The following USH2A variants were observed in gnomAD, a reference collection of about 807,000 sequenced individuals.
USH2A encodes Usher syndrome 2A (autosomal recessive, mild).
A neutral mutation model predicts 538.9 loss-of-function variants in USH2A; 443 were observed. The ratio of observed to expected loss-of-function variants is 0.82; its 90% CI spans 0.76 to 0.89. The LOEUF is 0.89. Ranked by LOEUF, USH2A falls within the 40% of genes least tolerant of loss-of-function variation. The pLI, the probability that USH2A is intolerant of heterozygous loss-of-function variation, is 0.00. For synonymous variants in USH2A, 2,413 were observed against 2,273.5 expected, an observed-to-expected ratio of 1.06 and a Z score of -1.75; for missense variants, 6,633 against 6,324.8, an observed-to-expected ratio of 1.05 and a Z score of -1.65.
chr1:216,323,350 T>A, intron 8 of USH2A, 124 bp downstream of exon 8: 1 of 831,866 alleles, frequency 1.2e-6, no homozygotes, highest in Non-Finnish European at 1.9e-6. Context: ...TCCCCTAAAA[T>A]CTTAGAGTAT....
At chr1:215,831,155 C>G (rs1663303620) in intron 47 of USH2A, among the ~76,000 whole-genome samples, 1 of 152,018 alleles carries the variant, frequency 6.6e-6, no homozygotes, top group South Asian at 2.1e-4. Flanking sequence ...GCCAGTTTAT[C>G]AAGACATTAA....
At chr1:216,333,311 C>T (rs1423864336) in intron 4 of USH2A, among the ~76,000 whole-genome samples, 2 of 151,752 alleles carry the variant, frequency 1.3e-5, no homozygotes, top group African/African-American at 2.4e-5. Context: ...AAATAGAAAA[C>T]TTTCAAATGA....
intron 20 of USH2A, among the ~76,000 whole-genome samples, chr1:216,177,281 T>C (rs1297024800): frequency 1.3e-5 from 2 of 152,214 alleles, no homozygotes; most frequent in Non-Finnish European, 2.9e-5. Context: ...TGGTATCTTA[T>C]TTTAATTTGC....
intron 21 of USH2A, among the ~76,000 whole-genome samples, chr1:216,117,310 T>C (rs2033032331): frequency 2.6e-5 from 4 of 152,166 alleles, no homozygotes; most frequent in South Asian, 4.1e-4. Context: ...AAGATTCCAA[T>C]AATGCATGTC....
chr1:216,406,237 G>A (rs531909491), intron 3 of USH2A, among the ~76,000 whole-genome samples: 4 of 152,230 alleles, frequency 2.6e-5, no homozygotes, highest in Middle Eastern at 3.4e-3. Context: ...TATCCTGGTC[G>A]TAATATTGTA....
chr1:215,864,508 G>T (rs1180473760), intron 44 of USH2A, among the ~76,000 whole-genome samples: 1 of 152,022 alleles, frequency 6.6e-6, no homozygotes, highest in Non-Finnish European at 1.5e-5. Flanking sequence ...AGATTTTTAG[G>T]GCATGATCTG....
At position 215,708,618 on chromosome 1, in the gene USH2A, A is replaced by T. The variant is rs12562236; in HGVS notation, c.12066+19412T>A. Reference sequence around the variant, plus strand: ...TATTAGTTAGATTCTCATAAGGAGCACACAACTTAGATCCCTTGCGTGCGC... The same window carrying T: ...TATTAGTTAGATTCTCATAAGGAGCTCACAACTTAGATCCCTTGCGTGCGC... On this transcript the variant is annotated intron_variant, in intron 61 of 71. Coordinates refer to ENST00000307340, the MANE Select transcript of USH2A (RefSeq NM_206933.4). Among the ~76,000 whole-genome samples the T allele has an allele frequency of 1.3e-3, 196 of 152,300 alleles. 2 individuals are homozygous for T. In the East Asian group the frequency reaches 0.031, roughly 24 times the overall value.
chr1:216,009,332 A>C (rs1668487251), intron 32 of USH2A, among the ~76,000 whole-genome samples: 1 of 151,906 alleles, frequency 6.6e-6, no homozygotes, highest in Non-Finnish European at 1.5e-5. Flanking sequence ...TTCAACTCTC[A>C]CTTGACCTAA....
Position 215,987,545 on chromosome 1 carries a change from A to T in USH2A, c.6805+5475T>A, listed in dbSNP as rs115037710. Among the ~76,000 whole-genome samples the T allele has an allele frequency of 3.2e-3, 487 of 152,274 alleles. 2 individuals are homozygous for T. The highest frequency in any genetic ancestry group is 0.011 in the African/African-American group (473 of 41,544). On this transcript the variant is annotated intron_variant, in intron 35 of 71. Transcript: ENST00000307340. The stretch of plus-strand genomic sequence containing the variant: ...TGGAGTGTCACACCATCATTTTTGC[A>T]GGTATGTGAAGCAAGGGACTAGAAT...
In USH2A at chr1:215,629,174, A is replaced by ATT. The variant is rs1360627401; in HGVS notation, c.15298-140_15298-139insAA. 2.1e-5 allele frequency: 19 copies of ATT among 913,454 alleles called. No individual in the cohort carries two copies. In the Admixed American group the frequency reaches 3.9e-4, roughly 19 times the overall value. The allele number at this position is 913,454 out of a possible 1,614,324, so 56.6% of individuals were successfully genotyped here. ...TGTCACATTGTCAATGAAGGGAACA[A>ATT]CTGTCACCTACAGAATTTAGCAGCT... On this transcript the variant is annotated intron_variant, in intron 70 of 71. Coordinates refer to ENST00000307340, the MANE Select transcript of USH2A (RefSeq NM_206933.4).
In USH2A at chr1:216,268,131, G is replaced by T. The variant is rs148705351; in HGVS notation, c.1972-17033C>A. ...GTGACTTAGCCTGAATTAAAATTGA[G>T]GGTTCTGTGGCTGCAGTCCTGCCTG... On this transcript the variant is annotated intron_variant, in intron 11 of 71. Coordinates refer to ENST00000307340, the MANE Select transcript of USH2A (RefSeq NM_206933.4). Among the ~76,000 whole-genome samples the T allele has an allele frequency of 7.6e-4, 115 of 152,148 alleles. 1 individual carries two copies. The highest frequency in any genetic ancestry group is 2.6e-3 in the African/African-American group (109 of 41,536).
At chr1:216,348,374 C>T (rs1452430277) in intron 4 of USH2A, among the ~76,000 whole-genome samples, 1 of 152,040 alleles carries the variant, frequency 6.6e-6, no homozygotes, top group Non-Finnish European at 1.5e-5. Context: ...TCTTTGTTTA[C>T]ACATGCCCTG....
At chr1:216,143,751 C>A (rs2033643326) in intron 21 of USH2A, among the ~76,000 whole-genome samples, 1 of 152,130 alleles carries the variant, frequency 6.6e-6, no homozygotes, top group South Asian at 2.1e-4. Context: ...AACGTAAAAT[C>A]AATTACTGTA....
chr1:215,790,281 A>G lies in USH2A; in HGVS notation c.9960T>C (p.Gly3320=), dbSNP rs1375447226. 1.9e-6 allele frequency: 3 copies of G among 1,613,772 alleles called. No individual in the cohort carries two copies. In the Admixed American group the frequency reaches 5.0e-5, roughly 27 times the overall value. The change falls in exon 51 of 72, where the codon GGT becomes GGC. Residue 3320 remains glycine (G), a splice_region_variant and synonymous_variant. Transcript: ENST00000307340. ...CATAATCCTGCCCACAACAGAACAT[A>G]CCTGCAACAATAAAATGTTATATAT... The part of the protein sequence containing the change: ...EEGVVYNRLP[G]MFCCGQDYVN...
intron 32 of USH2A, among the ~76,000 whole-genome samples, chr1:216,012,050 A>G (rs1668588981): frequency 1.4e-5 from 1 of 71,338 alleles, no homozygotes; most frequent in African/African-American, 4.8e-5. Context: ...GCAGTGGCGC[A>G]ATCTCGGCTC....
chr1:215,751,343 G>T (rs1321725777), intron 58 of USH2A, among the ~76,000 whole-genome samples: 1 of 152,024 alleles, frequency 6.6e-6, no homozygotes, highest in Non-Finnish European at 1.5e-5. Context: ...TAATGTTAAA[G>T]GAAAAGCACC....
intron 40 of USH2A, among the ~76,000 whole-genome samples, chr1:215,890,341 T>C (rs1267523606): frequency 6.6e-6 from 1 of 152,206 alleles, no homozygotes; most frequent in African/African-American, 2.4e-5. Context: ...ACAAAGAAGG[T>C]TGAAATTTTA....
intron 43 of USH2A, among the ~76,000 whole-genome samples, chr1:215,873,564 T>C: frequency 6.6e-6 from 1 of 152,128 alleles, no homozygotes; most frequent in Non-Finnish European, 1.5e-5. Flanking sequence ...GCATCCTCTT[T>C]TAGGACTTGA....
chr1:215,995,707 A>T (rs1668119100), intron 34 of USH2A, among the ~76,000 whole-genome samples: 1 of 152,230 alleles, frequency 6.6e-6, no homozygotes, highest in South Asian at 2.1e-4. Context: ...AGCCATTAAA[A>T]TAAGTTGTTT....
Sources: gnomAD v4.1 joint callset for allele counts (sites outside exome capture counted in the v4.1 genomes callset) on GRCh38, gnomAD v4.1.1 for gene constraint, MANE v1.5 for transcripts, NCBI Gene and HGNC (gene_info 2026-07-23, HGNC 2026-07-21) for gene names.